Variants in FBXL2 observed in about 807,000 individuals in gnomAD.
FBXL2 encodes the protein F-box/LRR-repeat protein 2.
FBXL2 carries 38 observed loss-of-function variants against 69.2 expected under a neutral mutation model. The observed-to-expected ratio is 0.55, with a 90% CI of 0.42 to 0.72. The LOEUF (loss-of-function observed/expected upper bound fraction) is 0.72. FBXL2 is among the 30% of genes least tolerant of loss of function. The pLI is 0.00. For missense variants in FBXL2, 354 were observed against 520.3 expected, an observed-to-expected ratio of 0.68 and a Z score of 3.11; for synonymous variants, 192 against 201.3, an observed-to-expected ratio of 0.95 and a Z score of 0.39.
chr3:33,372,991 T>TA (rs1464447050), intron 5 of FBXL2, 101 bp from the exon 6 acceptor site: 1 of 972,194 alleles, frequency 1.0e-6, no homozygotes, highest in Non-Finnish European at 1.7e-6. Flanking sequence ...GCGCTTTAAT[T>TA]AAGTTTGAGG....
intron 2 of FBXL2, among the ~76,000 whole-genome samples, chr3:33,298,711 A>T (rs550888850): frequency 6.6e-6 from 1 of 151,576 alleles, no homozygotes; most frequent in Admixed American, 6.6e-5. Flanking sequence ...AAAAAAAAAA[A>T]AAAAAAAGCT....
At position 33,377,181 on chromosome 3, in the gene FBXL2, G is replaced by T. The variant is rs537283764; in HGVS notation, c.789-92G>T. On this transcript the variant is annotated intron_variant, in intron 10 of 14. Coordinates refer to ENST00000484457, the MANE Select transcript of FBXL2 (RefSeq NM_012157.5). ...AACAGAGGCAAAAGCATGTCAAAGA[G>T]CAGAAAAGACTCAAGTATGCATCAT... 5.1e-5 allele frequency: 63 copies of T among 1,223,570 alleles called. 1 individual carries two copies. The South Asian group carries it at 7.0e-4, about 14-fold the overall frequency. The allele number at this position is 1,223,570 out of a possible 1,614,324, so 75.8% of individuals were successfully genotyped here.
intron 12 of FBXL2, chr3:33,402,954 G>C (rs1465998959): frequency 6.8e-7 from 1 of 1,466,366 alleles, no homozygotes. Context: ...AAAATATGTG[G>C]AAGAAATATT....
intron 1 of FBXL2, among the ~76,000 whole-genome samples, chr3:33,290,872 G>A (rs1384843500): frequency 6.6e-6 from 1 of 151,258 alleles, no homozygotes; most frequent in Admixed American, 6.6e-5. Flanking sequence ...ATATAAAGGT[G>A]AACAGTAATA....
the FBXL2 span, among the ~76,000 whole-genome samples, chr3:33,419,735 T>C: frequency 9.2e-5 from 14 of 152,218 alleles, no homozygotes; most frequent in South Asian, 1.7e-3. Flanking sequence ...GTAATATCCA[T>C]TGAGAGAACA....
chr3:33,380,313 T>C (rs2042952429), intron 13 of FBXL2, among the ~76,000 whole-genome samples: 1 of 151,790 alleles, frequency 6.6e-6, no homozygotes, highest in African/African-American at 2.4e-5. Context: ...CCCCAGCACT[T>C]TGGGAGGCCG....
At chr3:33,405,194 A>T (rs997639444), downstream of FBXL2, among the ~76,000 whole-genome samples, 2 of 152,180 alleles carry the variant, frequency 1.3e-5, no homozygotes, top group East Asian at 1.9e-4. Context: ...TAAGAAAAAA[A>T]TTTTTAAAGA....
chr3:33,400,836 C>T (rs940489375), intron 12 of FBXL2: 10 of 889,764 alleles, frequency 1.1e-5, no homozygotes, highest in African/African-American at 1.1e-4. Flanking sequence ...TATCCTGACT[C>T]GATTACCACA....
chr3:33,381,550 G>A (rs1210960552), intron 13 of FBXL2, among the ~76,000 whole-genome samples: 1 of 151,966 alleles, frequency 6.6e-6, no homozygotes. Context: ...CTTGAACCTG[G>A]GAGGTGGAGG....
the FBXL2 span, among the ~76,000 whole-genome samples, chr3:33,419,149 G>C: frequency 6.6e-6 from 1 of 152,116 alleles, no homozygotes; most frequent in Admixed American, 6.5e-5. Context: ...AATTGAAGAA[G>C]AGTCACCATT....
chr3:33,371,333 T>A (rs908283111), intron 5 of FBXL2, among the ~76,000 whole-genome samples: 1 of 148,998 alleles, frequency 6.7e-6, no homozygotes, highest in Non-Finnish European at 1.5e-5. Context: ...CCAGCTAATT[T>A]TTTTTTTTTT....
At chr3:33,380,522 C>T (rs1343278547) in intron 13 of FBXL2, among the ~76,000 whole-genome samples, 3 of 146,044 alleles carry the variant, frequency 2.1e-5, no homozygotes, top group African/African-American at 5.1e-5. Context: ...CTCGCCATTG[C>T]ACTCCAGCCT....
chr3:33,315,650 T>A (rs1476355694), intron 2 of FBXL2, among the ~76,000 whole-genome samples: 1 of 152,192 alleles, frequency 6.6e-6, no homozygotes, highest in African/African-American at 2.4e-5. Flanking sequence ...TCATTTATAA[T>A]TCTATTCTTG....
At chr3:33,422,638 T>C in the FBXL2 span, among the ~76,000 whole-genome samples, 1 of 151,064 alleles carries the variant, frequency 6.6e-6, no homozygotes, top group Non-Finnish European at 1.5e-5. Context: ...GGTGGGTGGA[T>C]CACTTTAGCC....
intron 5 of FBXL2, 60 bp from the exon 6 acceptor site, chr3:33,373,032 A>G (rs2042394120): frequency 2.1e-6 from 3 of 1,411,080 alleles, no homozygotes; most frequent in South Asian, 2.3e-5. Flanking sequence ...ATGGTTTCAT[A>G]TGCCCTCTAG....
chr3:33,411,974 G>T, the FBXL2 span, among the ~76,000 whole-genome samples: 1 of 151,986 alleles, frequency 6.6e-6, no homozygotes, highest in East Asian at 1.9e-4. Flanking sequence ...ATAACCCGAG[G>T]TCAGGAGTTT....
intron 12 of FBXL2, 78 bp from the exon 13 acceptor site, chr3:33,378,607 C>T: frequency 1.4e-6 from 2 of 1,409,368 alleles, no homozygotes; most frequent in Non-Finnish European, 9.7e-7. Context: ...CCTTTTGATT[C>T]TCGTGTTCAG....
chr3:33,307,225 G>A (rs757272813), intron 2 of FBXL2, among the ~76,000 whole-genome samples: 4 of 152,120 alleles, frequency 2.6e-5, no homozygotes, highest in African/African-American at 9.6e-5. Flanking sequence ...CTGCTCATGC[G>A]ATGTAGAGCA....
At chr3:33,391,970 C>CCACT (rs1334751295), downstream of FBXL2, 1 of 152,996 alleles carries the variant, frequency 6.5e-6, no homozygotes, top group African/African-American at 2.4e-5. Flanking sequence ...CCTACATGGC[C>CCACT]CACTGCCAGG....
Sources: allele counts gnomAD v4.1 joint callset (sites outside exome capture counted in the v4.1 genomes callset), GRCh38; gene constraint gnomAD v4.1.1; transcripts MANE v1.5; gene names NCBI Gene and HGNC (gene_info 2026-07-23, HGNC 2026-07-21).